Variants in PCDH15 observed in about 807,000 individuals in gnomAD.
PCDH15 encodes protocadherin-15.
In PCDH15, 129 loss-of-function variants were observed where a neutral mutation model predicts 178.5. The observed-to-expected ratio is 0.72, with a 90% CI of 0.63 to 0.84. The LOEUF (loss-of-function observed/expected upper bound fraction) is 0.84, where lower values mean the gene tolerates loss of function less well. PCDH15 is among the 40% of genes least tolerant of loss of function. The pLI is 0.00. For synonymous variants in PCDH15, 800 were observed against 732.0 expected (o/e 1.09, Z -1.50); for missense variants, 2,230 against 2,099.9 (o/e 1.06, Z -1.21).
chr10:54,906,019 A>T (rs888417388), intron 2 of PCDH15, among the ~76,000 whole-genome samples: 1 of 152,182 alleles, frequency 6.6e-6, no homozygotes, highest in African/African-American at 2.4e-5. Context: ...GGAACTCTTT[A>T]GTAAAGACAA....
At chr10:54,168,206 G>T (rs9730734) in intron 13 of PCDH15, among the ~76,000 whole-genome samples, 233 of 150,952 alleles carry the variant, frequency 1.5e-3, no homozygotes, top group Non-Finnish European at 2.8e-3. Context: ...CATCCTGCAA[G>T]ATCTAAATAA....
intron 2 of PCDH15, among the ~76,000 whole-genome samples, chr10:55,117,004 T>C (rs1440274719): frequency 6.6e-6 from 1 of 152,234 alleles, no homozygotes; most frequent in Non-Finnish European, 1.5e-5. Context: ...TGTCTTCTAA[T>C]AATCCTTCTT....
At chr10:54,921,890 G>C (rs1452565277) in intron 2 of PCDH15, among the ~76,000 whole-genome samples, 4 of 152,182 alleles carry the variant, frequency 2.6e-5, no homozygotes, top group Non-Finnish European at 4.4e-5. Flanking sequence ...AGGCAAAAGG[G>C]AGGCAAGCAC....
At chr10:54,148,426 A>C (rs571379804) in intron 14 of PCDH15, among the ~76,000 whole-genome samples, 1 of 152,122 alleles carries the variant, frequency 6.6e-6, no homozygotes, top group South Asian at 2.1e-4. Flanking sequence ...GATTACTTGT[A>C]ATACATATAA....
At chr10:54,075,394 AT>A (rs2094323649) in intron 17 of PCDH15, among the ~76,000 whole-genome samples, 2 of 28,032 alleles carry the variant, frequency 7.1e-5, no homozygotes, top group African/African-American at 1.1e-4. Context: ...AAAAAAAAAG[AT>A]CTATATATTT....
At chr10:55,131,086 T>C (rs1483024280) in intron 2 of PCDH15, among the ~76,000 whole-genome samples, 1 of 152,134 alleles carries the variant, frequency 6.6e-6, no homozygotes, top group Non-Finnish European at 1.5e-5. Context: ...AGTCTCAGTA[T>C]TTGTACATTC....
At chr10:53,870,650 A>G (rs1197724545) in intron 26 of PCDH15, among the ~76,000 whole-genome samples, 3 of 152,310 alleles carry the variant, frequency 2.0e-5, no homozygotes, top group African/African-American at 7.2e-5. Context: ...CTTAAGAGCA[A>G]TTGCATGGAT....
At chr10:54,266,418 T>C (rs1258860426) in intron 8 of PCDH15, among the ~76,000 whole-genome samples, 1 of 151,598 alleles carries the variant, frequency 6.6e-6, no homozygotes, top group Non-Finnish European at 1.5e-5. Context: ...AGAAAAAAAC[T>C]ATATCCAAAT....
chr10:55,179,688 C>T (rs760484689), intron 1 of PCDH15, among the ~76,000 whole-genome samples: 18 of 152,074 alleles, frequency 1.2e-4, no homozygotes, highest in Non-Finnish European at 2.2e-4. Context: ...CTGATTTCCA[C>T]GTACCCTATT....
At chr10:55,626,868 T>C (rs558175744) in intron 2 of PCDH15, among the ~76,000 whole-genome samples, 18 of 152,336 alleles carry the variant, frequency 1.2e-4, no homozygotes, top group African/African-American at 4.1e-4. Context: ...AGAAGTCTTT[T>C]ATCATCCCTG....
chr10:54,513,244 T>C (rs1373133936), intron 3 of PCDH15, among the ~76,000 whole-genome samples: 1 of 97,924 alleles, frequency 1.0e-5, no homozygotes, highest in Admixed American at 1.4e-4. Context: ...TATTTTTGTT[T>C]ATTTATTTAT....
At chr10:55,606,260 T>C (rs914205776) in intron 2 of PCDH15, among the ~76,000 whole-genome samples, 7 of 90,764 alleles carry the variant, frequency 7.7e-5, no homozygotes, top group African/African-American at 2.8e-4. Flanking sequence ...TACAAACAAA[T>C]GGAAGAACAT....
chr10:54,763,233 C>A (rs1361688736), intron 1 of PCDH15, among the ~76,000 whole-genome samples: 1 of 152,056 alleles, frequency 6.6e-6, no homozygotes, highest in East Asian at 1.9e-4. Context: ...CCCAGCAAAC[C>A]TTTACAATAT....
chr10:54,067,469 A>G (rs1379357875), intron 17 of PCDH15, among the ~76,000 whole-genome samples: 1 of 152,204 alleles, frequency 6.6e-6, no homozygotes, highest in Non-Finnish European at 1.5e-5. Context: ...AATGGTATGC[A>G]GGTAAACCTA....
intron 14 of PCDH15, among the ~76,000 whole-genome samples, chr10:54,139,880 T>C (rs1255621814): frequency 6.6e-6 from 1 of 152,110 alleles, no homozygotes; most frequent in African/African-American, 2.4e-5. Context: ...AAAGATTTTG[T>C]ATGGTGAATG....
intron 37 of PCDH15, chr10:53,809,190 C>T (rs2075774856): frequency 1.9e-6 from 3 of 1,613,926 alleles, no homozygotes; most frequent in Non-Finnish European, 2.5e-6. Context: ...CTTCTGTAGT[C>T]TCAGACTCAC....
chr10:54,916,240 A>G (rs1954899513), intron 2 of PCDH15, among the ~76,000 whole-genome samples: 1 of 152,226 alleles, frequency 6.6e-6, no homozygotes, highest in Non-Finnish European at 1.5e-5. Context: ...GATTACAGGC[A>G]TGAGCCATCA....
chr10:55,511,922 A>G (rs1055279277), intron 2 of PCDH15, among the ~76,000 whole-genome samples: 76 of 151,996 alleles, frequency 5.0e-4, no homozygotes, highest in African/African-American at 1.7e-3. Flanking sequence ...TTCAGTGACT[A>G]TTTCAGTGGC....
At chr10:55,099,114 A>G (rs1037492454) in intron 2 of PCDH15, among the ~76,000 whole-genome samples, 1 of 151,748 alleles carries the variant, frequency 6.6e-6, no homozygotes, top group African/African-American at 2.4e-5. Context: ...ACTCTATTTC[A>G]TTTTTTTGAA....
Sources: allele counts gnomAD v4.1 joint callset (sites outside exome capture counted in the v4.1 genomes callset), GRCh38; gene constraint gnomAD v4.1.1; transcripts MANE v1.5; gene names NCBI Gene and HGNC (gene_info 2026-07-23, HGNC 2026-07-21).